The following ANKS1A variants were observed in gnomAD, a reference collection of about 807,000 sequenced individuals.
The protein encoded by ANKS1A is ankyrin repeat and sterile alpha motif domain containing 1A.
A neutral mutation model predicts 120.3 loss-of-function variants in ANKS1A; 55 were observed. The ratio of observed to expected loss-of-function variants is 0.46; its 90% CI spans 0.37 to 0.57. The LOEUF (loss-of-function observed/expected upper bound fraction) is 0.57, where lower values mean the gene tolerates loss of function less well. ANKS1A is among the 20% of genes least tolerant of loss of function. The pLI, the probability that ANKS1A is intolerant of heterozygous loss-of-function variation, is 0.00. For missense variants in ANKS1A, 1,123 were observed against 1,480.3 expected (o/e 0.76, Z 3.96); for synonymous variants, 590 against 604.7 (o/e 0.98, Z 0.36).
chr6:35,022,711 A>G (rs1401172436), intron 11 of ANKS1A, among the ~76,000 whole-genome samples: 2 of 152,242 alleles, frequency 1.3e-5, no homozygotes, highest in African/African-American at 4.8e-5. Context: ...TTTTAAAAAT[A>G]TACAGATAAG....
intron 1 of ANKS1A, among the ~76,000 whole-genome samples, chr6:34,930,765 A>T (rs1304025247): frequency 6.6e-6 from 1 of 152,154 alleles, no homozygotes; most frequent in Non-Finnish European, 1.5e-5. Flanking sequence ...CTGTTACCAC[A>T]GCCACTGATG....
In ANKS1A at chr6:34,899,229, G is replaced by A. The variant is rs184962106; in HGVS notation, c.197+9630G>A. 1.4e-4 allele frequency among the ~76,000 whole-genome samples: 22 copies of A among 152,286 alleles called. No individual in the cohort carries two copies. In the East Asian group the frequency reaches 4.2e-3, roughly 29 times the overall value. On this transcript the variant is annotated intron_variant, in intron 1 of 23. Coordinates refer to ENST00000360359, the MANE Select transcript of ANKS1A (RefSeq NM_015245.3). ...TATTCAGAAAGTAACCTTTGTGCAA[G>A]CCCAGGACTTTTTAATGGTTAACTT... is the stretch of plus-strand genomic sequence containing the variant.
chr6:35,064,635 A>G (rs820078), intron 13 of ANKS1A, among the ~76,000 whole-genome samples: 63,777 of 152,026 alleles, frequency 0.42, 13,884 homozygotes, highest in East Asian at 0.62. Flanking sequence ...CCTCTAAACC[A>G]GCTTCACGTG....
At chr6:34,939,599 G>A (rs1211427298) in intron 1 of ANKS1A, among the ~76,000 whole-genome samples, 1 of 152,178 alleles carries the variant, frequency 6.6e-6, no homozygotes, top group Non-Finnish European at 1.5e-5. Context: ...TGTAATCCCA[G>A]CACTTTGGAA....
chr6:35,036,057 G>A (rs1184129225), intron 11 of ANKS1A, among the ~76,000 whole-genome samples: 1 of 152,224 alleles, frequency 6.6e-6, no homozygotes, highest in Non-Finnish European at 1.5e-5. Flanking sequence ...GTGATTAAAT[G>A]TCATAATATA....
Position 35,057,511 on chromosome 6 carries a change from A to G in ANKS1A, c.2078-2636A>G, listed in dbSNP as rs1776275871. On this transcript the variant is annotated intron_variant, in intron 12 of 23. Transcript: ENST00000360359. The surrounding 1 kb of genome is among the most constrained non-coding windows in gnomAD (Gnocchi z 4.1). ...GATACCAGTATCTCCCAGCATATTT[A>G]GAGGGTAATGTGTCCAGGGCATATT... Among the ~76,000 whole-genome samples the G allele has an allele frequency of 1.3e-5, 2 of 152,140 alleles. No individual in the cohort carries two copies. Among genetic ancestry groups the G allele is most frequent in the African/African-American group, 4.8e-5 (2 of 41,432 alleles).
intron 10 of ANKS1A, 89 bp downstream of exon 10, chr6:34,994,511 A>G (rs576808969): frequency 3.9e-6 from 6 of 1,532,934 alleles, no homozygotes; most frequent in African/African-American, 2.7e-5. Context: ...TGTCGTAACT[A>G]TGATATTCCT....
chr6:34,946,600 AGG>A lies in ANKS1A; in HGVS notation c.198-20633_198-20632del, dbSNP rs780786435. ...AAAACTCTGTCTTGAAAAAAAAAAA[AGG>A]GGGGGTTAATCTGGCTAGATGTTTA... On this transcript the variant is annotated intron_variant, in intron 1 of 23. Transcript: ENST00000360359. 8.1e-3 allele frequency among the ~76,000 whole-genome samples: 1,171 copies of A among 144,744 alleles called. 21 individuals are homozygous for A. The highest frequency in any genetic ancestry group is 0.027 in the African/African-American group (1,057 of 39,634). The allele number at this position is 144,744 out of a possible 152,430, so 95.0% of individuals were successfully genotyped here.
At chr6:35,054,227 G>T (rs1776098273) in intron 12 of ANKS1A, 62 bp downstream of exon 12, 1 of 1,508,260 alleles carries the variant, frequency 6.6e-7, no homozygotes, top group Admixed American at 1.7e-5. Context: ...TTCTGGCTCA[G>T]GCTTTCCTCT....
chr6:34,937,146 G>A (rs1769295312), intron 1 of ANKS1A, among the ~76,000 whole-genome samples: 1 of 152,106 alleles, frequency 6.6e-6, no homozygotes, highest in South Asian at 2.1e-4. Flanking sequence ...AAGGCAGACT[G>A]ACATTATGGC....
chr6:34,918,090 C>G (rs1332779890), intron 1 of ANKS1A, among the ~76,000 whole-genome samples: 1 of 152,206 alleles, frequency 6.6e-6, no homozygotes, highest in African/African-American at 2.4e-5. Flanking sequence ...CTGCTAGTTC[C>G]TTCTAGAAAC....
intron 13 of ANKS1A, among the ~76,000 whole-genome samples, chr6:35,078,242 C>T (rs1004939883): frequency 6.6e-6 from 1 of 152,200 alleles, no homozygotes; most frequent in African/African-American, 2.4e-5. Flanking sequence ...ATGCATGGAA[C>T]CTGCTCCCCA....
intron 1 of ANKS1A, among the ~76,000 whole-genome samples, chr6:34,917,894 G>A (rs1768242420): frequency 6.6e-6 from 1 of 152,220 alleles, no homozygotes; most frequent in South Asian, 2.1e-4. Context: ...GGAGAGAGGA[G>A]GAGACTGTCT....
rs754385557 is a variant in ANKS1A at position 35,017,912 on chromosome 6, C to A, written c.1863C>A (p.Arg621=). ...CCAAAGCTGAACTCAAACTCAGCCG[C>A]AGCTTGTCCAAGTCTGACTCTGATC... ...SKPKAELKLS[R]SLSKSDSDLL... Residue 621 remains arginine, a synonymous_variant, in exon 11 of 24, where the codon CGC becomes CGA. Coordinates refer to ENST00000360359, the MANE Select transcript of ANKS1A (RefSeq NM_015245.3). The A allele has an allele frequency of 1.2e-6, 2 of 1,614,242 alleles. No homozygotes were observed. Among genetic ancestry groups the A allele is most frequent in the South Asian group, 2.2e-5 (2 of 91,084 alleles).
Position 35,079,505 on chromosome 6 carries a change from T to C in ANKS1A, c.2284-11T>C. Reference sequence around the variant, plus strand: ...TGAGATGTCAGTTTCACCTCCCTCCTTGCCCTGTAGGTGAAGGCTCTGGGT... The same window carrying C: ...TGAGATGTCAGTTTCACCTCCCTCCCTGCCCTGTAGGTGAAGGCTCTGGGT... On this transcript the variant is annotated splice_polypyrimidine_tract_variant and intron_variant, in intron 14 of 23. Coordinates refer to ENST00000360359, the MANE Select transcript of ANKS1A (RefSeq NM_015245.3). 1 of 1,613,526 alleles carries C rather than the reference T, an allele frequency of 6.2e-7. No individual in the cohort carries two copies. The highest frequency in any genetic ancestry group is 1.1e-5 in the South Asian group (1 of 91,068).
chr6:34,892,102 C>G (rs1371176927), intron 1 of ANKS1A, among the ~76,000 whole-genome samples: 1 of 152,190 alleles, frequency 6.6e-6, no homozygotes, highest in African/African-American at 2.4e-5. Context: ...TGTTAACTCT[C>G]TATTCCCTAG....
chr6:34,920,111 A>G (rs574678797), intron 1 of ANKS1A, among the ~76,000 whole-genome samples: 7 of 152,182 alleles, frequency 4.6e-5, no homozygotes, highest in African/African-American at 1.7e-4. Context: ...TTAAATTGCT[A>G]TTGATTTATT....
chr6:35,029,754 CATATAT>C (rs1053610897), intron 11 of ANKS1A, among the ~76,000 whole-genome samples: 2 of 148,044 alleles, frequency 1.4e-5, no homozygotes, highest in African/African-American at 4.9e-5. Flanking sequence ...ATTACATATA[CATATAT>C]AATTACATAT....
chr6:35,001,507 A>G (rs932523075), intron 10 of ANKS1A, among the ~76,000 whole-genome samples: 17 of 152,348 alleles, frequency 1.1e-4, no homozygotes, highest in African/African-American at 3.6e-4. Flanking sequence ...AGTCATGCCA[A>G]GCTCTCTCTG....
Sources: gnomAD v4.1 joint callset for allele counts (sites outside exome capture counted in the v4.1 genomes callset) on GRCh38, gnomAD v4.1.1 for gene constraint, Gnocchi (gnomAD v3.1) non-coding constraint, MANE v1.5 for transcripts, NCBI Gene and HGNC (gene_info 2026-07-23, HGNC 2026-07-21) for gene names.